The following SPTB variants were observed in gnomAD, a reference collection of about 807,000 sequenced individuals.
SPTB encodes the protein spectrin beta chain, erythrocytic.
A neutral mutation model predicts 256.2 loss-of-function variants in SPTB; 45 were observed. The ratio of observed to expected loss-of-function variants is 0.18; its 90% CI spans 0.14 to 0.23. The LOEUF (loss-of-function observed/expected upper bound fraction) is 0.23, where lower values mean the gene tolerates loss of function less well. Ranked by LOEUF, SPTB falls within the 10% of genes least tolerant of loss-of-function variation. The pLI, the probability that SPTB is intolerant of heterozygous loss-of-function variation, is 1.00. For synonymous variants in SPTB, 1,231 were observed against 1,243.1 expected, an observed-to-expected ratio of 0.99 and a Z score of 0.21; for missense variants, 2,715 against 3,040.4, an observed-to-expected ratio of 0.89 and a Z score of 2.52.
Position 64,752,120 on chromosome 14 carries a change from A to G in SPTB, c.6602+1417T>C, listed in dbSNP as rs1036418047. 5.7e-6 allele frequency: 7 copies of G among 1,221,488 alleles called. No homozygotes were observed. In the South Asian group the frequency reaches 9.0e-5, roughly 16 times the overall value. The allele number at this position is 1,221,488 out of a possible 1,614,324, so 75.7% of individuals were successfully genotyped here. A position where few individuals can be genotyped will look rare whatever the true frequency, so the allele number is the denominator to read the frequency against. Reference sequence around the variant, plus strand: ...ACAAAACAAAACAAAACAAAACACAAAAAAAGACAAATAGGGCTCATGTCA... The same window carrying G: ...ACAAAACAAAACAAAACAAAACACAGAAAAAGACAAATAGGGCTCATGTCA... On this transcript the variant is annotated intron_variant, in intron 33 of 35. Coordinates refer to ENST00000644917, the MANE Select transcript of SPTB (RefSeq NM_001355436.2).
Position 64,795,248 on chromosome 14 carries a change from G to T in SPTB, c.1644+89C>A. On this transcript the variant is annotated intron_variant, in intron 12 of 35. Transcript: ENST00000644917. The surrounding 1 kb of genome is among the most constrained non-coding windows in gnomAD (Gnocchi z 6.5). The stretch of plus-strand genomic sequence containing the variant: ...ACTCAGAGATATGACTGGCTGGGAG[G>T]TGTCTAAGGAAGCCTATGCTAACTG... 11 of 1,445,526 alleles carry T rather than the reference G, an allele frequency of 7.6e-6. No homozygotes were observed. The highest frequency in any genetic ancestry group is 1.0e-5 in the Non-Finnish European group (11 of 1,054,982). 89.5% of individuals were successfully genotyped at this position (1,445,526 alleles called of 1,614,324 possible). A position where few individuals can be genotyped will look rare whatever the true frequency, so the allele number is the denominator to read the frequency against.
chr14:64,794,473 C>A lies in SPTB; in HGVS notation c.1789G>T (p.Gly597Trp). The A allele has an allele frequency of 6.2e-7, 1 of 1,614,178 alleles. No individual in the cohort carries two copies. The highest frequency in any genetic ancestry group is 8.5e-7 in the Non-Finnish European group (1 of 1,180,042). The change falls in exon 13 of 36, where the codon GGG becomes TGG. Residue 597 changes from glycine to tryptophan, a missense_variant. By Grantham distance (184) the Gly-to-Trp change is radical. This residue lies in a region of SPTB where 2,239 missense variants were observed against 2,384.4 expected (regional missense o/e 0.94). Transcript: ENST00000644917. ...GAGACAGACTTGGTCTCACCTTTCC[C>A]CTCGGTGAACTTCAGGGTGGCTGCG... is the stretch of plus-strand genomic sequence containing the variant. ...ITAATLKFTE[G>W]KGYQPCDPQV...
intron 2 of SPTB, among the ~76,000 whole-genome samples, chr14:64,813,930 A>G (rs1368037199): frequency 6.6e-6 from 1 of 152,256 alleles, no homozygotes; most frequent in Admixed American, 6.5e-5. Context: ...GGGACACATC[A>G]TAAATGATGA....
intron 1 of SPTB, among the ~76,000 whole-genome samples, chr14:64,848,703 T>C (rs980790994): frequency 6.6e-6 from 1 of 152,240 alleles, no homozygotes; most frequent in African/African-American, 2.4e-5. Context: ...TTTACTACTT[T>C]CCAATTTATG....
At chr14:64,765,814 GTGTGTGAGTGTGTGTGTGTGT>G (rs2082162358) in intron 32 of SPTB, among the ~76,000 whole-genome samples, 1 of 148,076 alleles carries the variant, frequency 6.8e-6, no homozygotes, top group African/African-American at 2.6e-5. Context: ...GGGTGTGTGT[GTGTGTGAGTGTGTGTGTGTGT>G]GGGGGTGTGG....
intron 1 of SPTB, among the ~76,000 whole-genome samples, chr14:64,834,765 A>G (rs944286660): frequency 6.7e-6 from 1 of 149,996 alleles, no homozygotes; most frequent in Admixed American, 6.6e-5. Context: ...AACAGCTTTG[A>G]CTCAACCCAT....
intron 2 of SPTB, among the ~76,000 whole-genome samples, chr14:64,820,877 C>T (rs144042782): frequency 9.1e-4 from 138 of 152,134 alleles, no homozygotes; most frequent in African/African-American, 3.2e-3. Context: ...GGAGTTTCGC[C>T]CTCTTGGCCA....
chr14:64,805,090 T>C lies in SPTB; in HGVS notation c.149A>G (p.Asp50Gly), dbSNP rs2082957654. The stretch of plus-strand genomic sequence containing the variant: ...CTTTTTCTGAACAACTTCCCGCTCA[T>C]CTAGGTGGAGAGAAGAACCTTGGTG... ...FERSRIKALA[D>G]EREVVQKKTF... Residue 50 changes from aspartate (D) to glycine (G), a missense_variant and splice_region_variant, in exon 3 of 36, where the codon GAT becomes GGT. By Grantham distance (94) the Asp-to-Gly change is moderately conservative. Around this residue, in one of 4 missense-constraint regions of SPTB, gnomAD observed 58 missense variants for 67.9 expected, o/e 0.85. Transcript: ENST00000644917. The C allele has an allele frequency of 6.2e-7, 1 of 1,614,120 alleles. No individual in the cohort carries two copies. Among genetic ancestry groups the C allele is most frequent in the South Asian group, 1.1e-5 (1 of 91,070 alleles).
At chr14:64,794,136 A>G (rs182319289) in intron 13 of SPTB, among the ~76,000 whole-genome samples, 1 of 152,192 alleles carries the variant, frequency 6.6e-6, no homozygotes. Context: ...TAAATTAATT[A>G]AAAAAATTTC....
intron 31 of SPTB, 126 bp from the exon 32 acceptor site, chr14:64,766,927 G>T: frequency 1.6e-6 from 2 of 1,251,300 alleles, no homozygotes; most frequent in Non-Finnish European, 2.3e-6. Context: ...CAGTCAGCCG[G>T]CAGCCTGGAT....
At position 64,823,654 on chromosome 14, in the gene SPTB, A is replaced by C. The variant is rs1231770123; in HGVS notation, c.-51-509T>G. The stretch of plus-strand genomic sequence containing the variant: ...AACCATGGGGAGAGATGGATGAGAG[A>C]GTTAAGCCGCCACTGACGCCACCAG... On this transcript the variant is annotated intron_variant, in intron 1 of 35. Transcript: ENST00000644917. The surrounding 1 kb of genome is among the most constrained non-coding windows in gnomAD (Gnocchi z 6.5). Among the ~76,000 whole-genome samples, 4 of 152,084 alleles carry C rather than the reference A, an allele frequency of 2.6e-5. No individual in the cohort carries two copies. The highest frequency in any genetic ancestry group is 1.9e-4 in the East Asian group (1 of 5,174).
At chr14:64,834,632 G>GAATT (rs2083494555) in intron 1 of SPTB, among the ~76,000 whole-genome samples, 1 of 151,606 alleles carries the variant, frequency 6.6e-6, no homozygotes, top group Admixed American at 6.6e-5. Context: ...CACCATGTTG[G>GAATT]CCAGGCTGGT....
rs1566782545 is a variant in SPTB at position 64,815,283 on chromosome 14, GGGCA to G, written c.148+7660_148+7663del. Among the ~76,000 whole-genome samples the G allele has an allele frequency of 9.4e-3, 633 of 67,202 alleles. 3 individuals carry two copies. Among genetic ancestry groups the G allele is most frequent in the African/African-American group, 0.057 (599 of 10,558 alleles). The allele number at this position is 67,202 out of a possible 152,430, so 44.1% of individuals were successfully genotyped here. ...TGGGAAGGGGCATCTCCCATGAAGC[GGGCA>G]TCTCCCATGAAGCGCGAAGGAGCAT... On this transcript the variant is annotated intron_variant, in intron 2 of 35. Transcript: ENST00000644917.
rs1204496414 is a variant in SPTB at position 64,773,338 on chromosome 14, T to C, written c.5060A>G (p.Glu1687Gly). The C allele has an allele frequency of 6.2e-7, 1 of 1,614,210 alleles. No homozygotes were observed. The highest frequency in any genetic ancestry group is 8.5e-7 in the Non-Finnish European group (1 of 1,180,034). ...GAGCTGGAACAGGTGGTACATGTTCTCCAGCTTGCGCTTGCGCTCTTCCGC... is the reference window on the plus strand; with the variant it reads ...GAGCTGGAACAGGTGGTACATGTTCCCCAGCTTGCGCTTGCGCTCTTCCGC... ...DVAEERKRKL[E>G]NMYHLFQLKR... Residue 1687 changes from glutamate (E) to glycine (G), a missense_variant, in exon 25 of 36, where the codon GAG becomes GGG. By Grantham distance (98) the Glu-to-Gly change is moderately conservative. Around this residue, in one of 4 missense-constraint regions of SPTB, gnomAD observed 2,239 missense variants for 2,384.4 expected, o/e 0.94. Transcript: ENST00000644917.
intron 1 of SPTB, among the ~76,000 whole-genome samples, chr14:64,862,966 C>T (rs368745547): frequency 1.3e-5 from 2 of 152,130 alleles, no homozygotes; most frequent in East Asian, 1.9e-4. Context: ...AAAATACTGA[C>T]GCTGGATCCT....
Position 64,795,679 on chromosome 14 carries a change from C to T in SPTB, c.1342-40G>A. On this transcript the variant is annotated intron_variant, in intron 11 of 35. Transcript: ENST00000644917. The surrounding 1 kb of genome is among the most constrained non-coding windows in gnomAD (Gnocchi z 6.5). ...GAAAAACAGGCAGCTCAGTCAGACA[C>T]CCAGGGGCTCATCCCCAAACTCAGG... The T allele has an allele frequency of 2.5e-6, 4 of 1,607,962 alleles. No individual in the cohort carries two copies. The South Asian group carries it at 4.4e-5, about 18-fold the overall frequency.
chr14:64,860,129 C>T (rs560818615), intron 1 of SPTB, among the ~76,000 whole-genome samples: 1 of 152,282 alleles, frequency 6.6e-6, no homozygotes, highest in African/African-American at 2.4e-5. Flanking sequence ...AGGAGCTGGA[C>T]TTCTTAGCAA....
chr14:64,856,388 T>C (rs1159414056), intron 1 of SPTB, among the ~76,000 whole-genome samples: 1 of 152,194 alleles, frequency 6.6e-6, no homozygotes, highest in African/African-American at 2.4e-5. Flanking sequence ...GTTCCTCTTC[T>C]TCCATGAGAC....
rs1237067683 is a variant in SPTB, at chr14:64,860,598, AAAG to A, written c.-52+19191_-52+19193del. Among the ~76,000 whole-genome samples the A allele has an allele frequency of 2.0e-5, 3 of 152,316 alleles. No individual in the cohort carries two copies. The East Asian group carries it at 5.8e-4, about 29-fold the overall frequency. On this transcript the variant is annotated intron_variant, in intron 1 of 35. Coordinates refer to ENST00000644917, the MANE Select transcript of SPTB (RefSeq NM_001355436.2). Reference sequence around the variant, plus strand: ...ATATATCCCACAGTAGGACACTAAAAAAGAAAAAAGGATCGAGCCTGCCTCAGA... The same window carrying A: ...ATATATCCCACAGTAGGACACTAAAAAAAAAAGGATCGAGCCTGCCTCAGA...
Sources: allele counts gnomAD v4.1 joint callset (sites outside exome capture counted in the v4.1 genomes callset), GRCh38; gene constraint gnomAD v4.1.1; regional missense constraint gnomAD v4.1.1; non-coding constraint Gnocchi (gnomAD v3.1); transcripts MANE v1.5; gene names NCBI Gene and HGNC (gene_info 2026-07-23, HGNC 2026-07-21).